The following EPHA4 variants were observed in gnomAD, a reference collection of about 807,000 sequenced individuals.
The protein encoded by EPHA4 is EPH receptor A4.
A neutral mutation model predicts 108.3 loss-of-function variants in EPHA4; 19 were observed. The observed-to-expected ratio is 0.18, with a 90% CI of 0.12 to 0.26. The LOEUF (loss-of-function observed/expected upper bound fraction) is 0.26. EPHA4 is among the 10% of genes least tolerant of loss of function. EPHA4 has a pLI of 1.00. For missense variants in EPHA4, 917 were observed against 1,254.0 expected, an observed-to-expected ratio of 0.73 and a Z score of 4.06; for synonymous variants, 449 against 455.5, an observed-to-expected ratio of 0.99 and a Z score of 0.18.
intron 3 of EPHA4, among the ~76,000 whole-genome samples, chr2:221,543,030 TTA>T: frequency 6.6e-6 from 1 of 152,298 alleles, no homozygotes; most frequent in East Asian, 1.9e-4. Context: ...CTCTTTCTCG[TTA>T]TGTTTGTTTC....
intron 3 of EPHA4, among the ~76,000 whole-genome samples, chr2:221,553,743 C>T (rs984095588): frequency 6.6e-6 from 1 of 152,174 alleles, no homozygotes; most frequent in African/African-American, 2.4e-5. Context: ...CTTTATGGGA[C>T]TTCAAGCTGA....
chr2:221,458,569 A>C (rs1042085319), intron 5 of EPHA4, among the ~76,000 whole-genome samples: 1 of 152,228 alleles, frequency 6.6e-6, no homozygotes, highest in Admixed American at 6.5e-5. Flanking sequence ...TAGTGAATAC[A>C]AATCAAGCAG....
intron 3 of EPHA4, among the ~76,000 whole-genome samples, chr2:221,545,330 G>A (rs1315852779): frequency 9.9e-5 from 15 of 152,090 alleles, no homozygotes; most frequent in Admixed American, 3.3e-4. Context: ...TTAGCCAGGC[G>A]TGGTGGCAGG....
intron 8 of EPHA4, among the ~76,000 whole-genome samples, chr2:221,450,220 C>G (rs1313196045): frequency 6.6e-6 from 1 of 152,170 alleles, no homozygotes; most frequent in African/African-American, 2.4e-5. Context: ...ACCAGCCTGG[C>G]CAACATGGTG....
At chr2:221,488,075 C>T (rs952634853) in intron 4 of EPHA4, among the ~76,000 whole-genome samples, 3 of 152,112 alleles carry the variant, frequency 2.0e-5, no homozygotes, top group Admixed American at 6.5e-5. Flanking sequence ...CTGCTCCCTG[C>T]AGCAACTACT....
intron 3 of EPHA4, among the ~76,000 whole-genome samples, chr2:221,514,811 GTGTT>G (rs748563920): frequency 6.6e-6 from 1 of 152,300 alleles, no homozygotes; most frequent in Admixed American, 6.5e-5. Flanking sequence ...TGCTCCCAAA[GTGTT>G]TGGTCATGAG....
At chr2:221,468,575 A>G (rs1691387717) in intron 5 of EPHA4, among the ~76,000 whole-genome samples, 1 of 152,170 alleles carries the variant, frequency 6.6e-6, no homozygotes, top group Non-Finnish European at 1.5e-5. Flanking sequence ...CTGACGTCCA[A>G]AGCATCTAGA....
chr2:221,530,081 C>T (rs550008109), intron 3 of EPHA4, among the ~76,000 whole-genome samples: 1 of 152,028 alleles, frequency 6.6e-6, no homozygotes, highest in Non-Finnish European at 1.5e-5. Flanking sequence ...AATCATAATA[C>T]TTGTGGGGAT....
At chr2:221,528,084 G>A (rs565500468) in intron 3 of EPHA4, among the ~76,000 whole-genome samples, 3 of 135,638 alleles carry the variant, frequency 2.2e-5, no homozygotes, top group Admixed American at 8.7e-5. Context: ...CTTATCTGTT[G>A]TTTAAAACAT....
intron 5 of EPHA4, among the ~76,000 whole-genome samples, chr2:221,472,545 C>A (rs1691519731): frequency 2.0e-5 from 3 of 152,132 alleles, no homozygotes; most frequent in South Asian, 4.2e-4. Flanking sequence ...ATGCACATGT[C>A]ACAGACAAAA....
At chr2:221,529,741 T>C (rs1255784241) in intron 3 of EPHA4, among the ~76,000 whole-genome samples, 1 of 152,210 alleles carries the variant, frequency 6.6e-6, no homozygotes, top group African/African-American at 2.4e-5. Flanking sequence ...TTGCTGACAA[T>C]GGAGTATGAA....
intron 1 of EPHA4, 120 bp downstream of exon 1, chr2:221,572,038 T>C: frequency 2.4e-6 from 2 of 820,968 alleles, no homozygotes; most frequent in South Asian, 3.0e-5. Context: ...TTCTCCCGAA[T>C]CGGGACGCAC....
intron 11 of EPHA4, among the ~76,000 whole-genome samples, chr2:221,440,264 G>A (rs894002854): frequency 6.6e-6 from 1 of 152,184 alleles, no homozygotes; most frequent in African/African-American, 2.4e-5. Flanking sequence ...AACAGTTACA[G>A]CTGTAATAGC....
chr2:221,427,877 TATAA>T (rs1013349220), intron 15 of EPHA4, among the ~76,000 whole-genome samples: 21 of 152,320 alleles, frequency 1.4e-4, no homozygotes, highest in African/African-American at 5.1e-4. Flanking sequence ...TTCTTTTTTA[TATAA>T]ATATTTTAAC....
chr2:221,439,003 T>A (rs1690332193), intron 11 of EPHA4, among the ~76,000 whole-genome samples: 1 of 151,780 alleles, frequency 6.6e-6, no homozygotes, highest in Non-Finnish European at 1.5e-5. Context: ...TGTTGAAGAG[T>A]GGGTTTTTAA....
chr2:221,493,654 C>T (rs1343710683), intron 4 of EPHA4, among the ~76,000 whole-genome samples: 1 of 152,162 alleles, frequency 6.6e-6, no homozygotes, highest in Non-Finnish European at 1.5e-5. Flanking sequence ...AAAGCATTAG[C>T]AGCGAGGGCT....
chr2:221,486,724 ACTCTGT>A, intron 4 of EPHA4, among the ~76,000 whole-genome samples: 1 of 142,748 alleles, frequency 7.0e-6, no homozygotes, highest in Non-Finnish European at 1.5e-5. Context: ...ACAGAGTGAG[ACTCTGT>A]CTCAAAATAA....
intron 4 of EPHA4, among the ~76,000 whole-genome samples, chr2:221,494,481 C>T (rs192824855): frequency 6.6e-6 from 1 of 152,228 alleles, no homozygotes; most frequent in Admixed American, 6.5e-5. Context: ...TGGTGCATGT[C>T]TGTAAATCCC....
intron 5 of EPHA4, among the ~76,000 whole-genome samples, chr2:221,465,699 A>C (rs1691287258): frequency 1.3e-5 from 2 of 152,036 alleles, no homozygotes; most frequent in Admixed American, 1.3e-4. Context: ...ATTTTCTTGA[A>C]CCCACAAGCC....
Sources: allele counts gnomAD v4.1 joint callset (sites outside exome capture counted in the v4.1 genomes callset), GRCh38; gene constraint gnomAD v4.1.1; transcripts MANE v1.5; gene names NCBI Gene and HGNC (gene_info 2026-07-23, HGNC 2026-07-21).